The following ROR1 variants were observed in gnomAD, a reference collection of about 807,000 sequenced individuals.
ROR1 encodes ROR family WNT receptor 1, also known as inactive tyrosine-protein kinase transmembrane receptor ROR1.
In ROR1, 19 loss-of-function variants were observed where a neutral mutation model predicts 78.8. That is an observed-to-expected ratio of 0.24 (90% CI 0.17 to 0.35). The LOEUF is 0.35. Ranked by LOEUF, ROR1 falls within the 10% of genes least tolerant of loss-of-function variation. The pLI is 1.00. For synonymous variants in ROR1, 386 were observed against 433.6 expected (o/e 0.89, Z 1.36); for missense variants, 917 against 1,177.8 (o/e 0.78, Z 3.24).
At chr1:64,034,551 C>G (rs1646686086) in intron 2 of ROR1, among the ~76,000 whole-genome samples, 1 of 152,104 alleles carries the variant, frequency 6.6e-6, no homozygotes, top group Non-Finnish European at 1.5e-5. Context: ...CTCATACTCT[C>G]TCTCACTCAC....
intron 1 of ROR1, among the ~76,000 whole-genome samples, chr1:63,956,580 T>G (rs1645984343): frequency 6.6e-6 from 1 of 152,234 alleles, no homozygotes; most frequent in Non-Finnish European, 1.5e-5. Flanking sequence ...TAATTCCCAC[T>G]AATTCAGTGT....
intron 8 of ROR1, 106 bp from the exon 9 acceptor site, chr1:64,177,321 AT>A: frequency 1.2e-6 from 1 of 829,542 alleles, no homozygotes; most frequent in African/African-American, 1.7e-5. Context: ...ATTTTATTGA[AT>A]TTGTTTATAG....
intron 1 of ROR1, among the ~76,000 whole-genome samples, chr1:63,912,783 C>G (rs1359540259): frequency 6.6e-6 from 1 of 152,154 alleles, no homozygotes; most frequent in Admixed American, 6.5e-5. Flanking sequence ...CTTCTCTTCT[C>G]CCTGTTCTTT....
In ROR1 at chr1:63,835,011, G is replaced by A. The variant is rs1049953224; in HGVS notation, c.91+60503G>A. ...CCCACTGGTCAACCTCACTCCTTGA[G>A]CCCTATTTACCTGTTGCTGCCTCCT... On this transcript the variant is annotated intron_variant, in intron 1 of 8. Coordinates refer to ENST00000371079, the MANE Select transcript of ROR1 (RefSeq NM_005012.4). Among the ~76,000 whole-genome samples the A allele has an allele frequency of 9.2e-5, 14 of 152,114 alleles. 1 individual carries two copies. In the East Asian group the frequency reaches 2.5e-3, roughly 27 times the overall value.
At chr1:64,156,538 C>T (rs1347062519) in intron 7 of ROR1, among the ~76,000 whole-genome samples, 5 of 151,984 alleles carry the variant, frequency 3.3e-5, no homozygotes. Context: ...GAAACCCTGT[C>T]TCTACTAAAA....
chr1:63,826,755 A>C (rs779876182), intron 1 of ROR1, among the ~76,000 whole-genome samples: 3 of 151,854 alleles, frequency 2.0e-5, no homozygotes, highest in Non-Finnish European at 4.4e-5. Flanking sequence ...ACAACCTCAC[A>C]ATGGTACATT....
At chr1:64,021,277 A>C (rs1646563381) in intron 2 of ROR1, among the ~76,000 whole-genome samples, 1 of 152,212 alleles carries the variant, frequency 6.6e-6, no homozygotes, top group African/African-American at 2.4e-5. Flanking sequence ...AGAGACCTGA[A>C]TTCTTCCCAA....
intron 1 of ROR1, among the ~76,000 whole-genome samples, chr1:63,978,447 T>C (rs930454799): frequency 1.3e-5 from 2 of 152,244 alleles, no homozygotes; most frequent in Non-Finnish European, 1.5e-5. Flanking sequence ...AGATCATTTA[T>C]GTTCTTTTCT....
At chr1:63,927,493 T>A (rs548773700) in intron 1 of ROR1, among the ~76,000 whole-genome samples, 5 of 150,812 alleles carry the variant, frequency 3.3e-5, no homozygotes, top group Non-Finnish European at 3.0e-5. Flanking sequence ...TGTCTCTGCC[T>A]GGCTTTGGTA....
intron 4 of ROR1, among the ~76,000 whole-genome samples, chr1:64,100,507 T>C (rs2100656306): frequency 6.6e-6 from 1 of 152,126 alleles, no homozygotes; most frequent in African/African-American, 2.4e-5. Context: ...GCAAACAAAA[T>C]AAGCCTATCA....
chr1:63,994,416 C>T (rs529092717), intron 1 of ROR1, among the ~76,000 whole-genome samples: 1 of 152,134 alleles, frequency 6.6e-6, no homozygotes, highest in Non-Finnish European at 1.5e-5. Flanking sequence ...GCTTAGCCTT[C>T]CAATAATGGA....
chr1:63,961,504 C>T (rs773039299), intron 1 of ROR1, among the ~76,000 whole-genome samples: 53 of 152,106 alleles, frequency 3.5e-4, no homozygotes, highest in Non-Finnish European at 3.5e-4. Flanking sequence ...ATTACTCAGA[C>T]GTAAATATAA....
intron 8 of ROR1, among the ~76,000 whole-genome samples, chr1:64,163,980 C>T (rs1650016923): frequency 6.6e-6 from 1 of 152,192 alleles, no homozygotes; most frequent in Admixed American, 6.5e-5. Flanking sequence ...TTTGCCAAGT[C>T]TTCCTCCCCT....
intron 4 of ROR1, among the ~76,000 whole-genome samples, chr1:64,090,079 G>A (rs1647183433): frequency 6.6e-6 from 1 of 152,122 alleles, no homozygotes; most frequent in South Asian, 2.1e-4. Flanking sequence ...GGAACTGTGA[G>A]TCCATTAAAC....
intron 2 of ROR1, among the ~76,000 whole-genome samples, chr1:64,026,605 A>C (rs75945624): frequency 0.027 from 4,061 of 152,316 alleles, 176 homozygotes; most frequent in African/African-American, 0.093. Context: ...GGTAATTTAT[A>C]AAGAAAGGAG....
At chr1:63,859,659 G>A (rs1304781483) in intron 1 of ROR1, among the ~76,000 whole-genome samples, 1 of 152,090 alleles carries the variant, frequency 6.6e-6, no homozygotes, top group African/African-American at 2.4e-5. Context: ...ATGCTTGGAG[G>A]GTGGACTGAC....
At chr1:64,113,021 A>G (rs552476236) in intron 4 of ROR1, among the ~76,000 whole-genome samples, 141 of 152,086 alleles carry the variant, frequency 9.3e-4, no homozygotes, top group Non-Finnish European at 1.6e-3. Flanking sequence ...AATTTAATGA[A>G]ACAGTTGCCA....
At chr1:64,069,175 TA>T (rs544365037) in intron 4 of ROR1, among the ~76,000 whole-genome samples, 95 of 150,002 alleles carry the variant, frequency 6.3e-4, no homozygotes, top group Admixed American at 1.3e-3. Context: ...GGGGGAACTT[TA>T]AAAAAAAAAT....
chr1:64,139,554 T>G (rs1212648759), intron 5 of ROR1, among the ~76,000 whole-genome samples: 1 of 152,200 alleles, frequency 6.6e-6, no homozygotes, highest in Admixed American at 6.5e-5. Context: ...ATTGGAACAA[T>G]TGTACTGTGC....
Sources: allele counts gnomAD v4.1 joint callset (sites outside exome capture counted in the v4.1 genomes callset), GRCh38; gene constraint gnomAD v4.1.1; transcripts MANE v1.5; gene names NCBI Gene and HGNC (gene_info 2026-07-23, HGNC 2026-07-21).